ITPK1: variants seen among roughly 807,000 people sequenced by gnomAD.
The protein encoded by ITPK1 is inositol-tetrakisphosphate 1-kinase.
In ITPK1, 21 loss-of-function variants were observed where a neutral mutation model predicts 45.3. The observed-to-expected ratio is 0.46, with a 90% CI of 0.33 to 0.67. The LOEUF is 0.67. Among genes scored for constraint, ITPK1 ranks in the 30% least tolerant of loss-of-function variants. The pLI is 0.02. For missense variants in ITPK1, 474 were observed against 573.5 expected, an observed-to-expected ratio of 0.83 and a Z score of 1.77; for synonymous variants, 258 against 253.6, an observed-to-expected ratio of 1.02 and a Z score of -0.16.
Position 93,034,917 on chromosome 14 carries a change from G to T in ITPK1, c.121-18116C>A, listed in dbSNP as rs1029831736. On this transcript the variant is annotated intron_variant, in intron 3 of 10. Coordinates refer to ENST00000267615, the MANE Select transcript of ITPK1 (RefSeq NM_014216.6). The surrounding 1 kb of genome is among the most constrained non-coding windows in gnomAD (Gnocchi z 4.1). Reference sequence around the variant, plus strand: ...TCCCATCACCTATGGGGCCTGGCAGGCCTTCCCTTCTCCAGCCCCACCCCA... The same window carrying T: ...TCCCATCACCTATGGGGCCTGGCAGTCCTTCCCTTCTCCAGCCCCACCCCA... Among the ~76,000 whole-genome samples the T allele has an allele frequency of 3.3e-5, 5 of 152,230 alleles. No homozygotes were observed. Among genetic ancestry groups the T allele is most frequent in the African/African-American group, 4.8e-5 (2 of 41,462 alleles).
rs1277448653 is a variant in ITPK1, at chr14:93,076,465, G to A, written c.120+130C>T. On this transcript the variant is annotated intron_variant, in intron 3 of 10. Transcript: ENST00000267615. The surrounding 1 kb of genome is among the most constrained non-coding windows in gnomAD (Gnocchi z 4.3). ...GAAACCACATCAAATCCACAGGGGA[G>A]CTAAAAACAAGCTGCACGTGAAGAA... 2 of 1,048,490 alleles carry A rather than the reference G, an allele frequency of 1.9e-6. No homozygotes were observed. The highest frequency in any genetic ancestry group is 2.9e-6 in the Non-Finnish European group (2 of 694,178). The allele number at this position is 1,048,490 out of a possible 1,614,324, so 64.9% of individuals were successfully genotyped here.
chr14:93,068,277 G>C (rs1890841645), intron 3 of ITPK1: 2 of 152,230 alleles, frequency 1.3e-5, no homozygotes, highest in African/African-American at 4.8e-5. Context: ...GGGAAGTGAG[G>C]CACAGCCAAG....
chr14:93,106,379 G>C (rs1566789408), intron 2 of ITPK1, among the ~76,000 whole-genome samples: 1 of 152,190 alleles, frequency 6.6e-6, no homozygotes, highest in Non-Finnish European at 1.5e-5. Flanking sequence ...CCCTGTCTAA[G>C]GTGGAAACCG....
intron 3 of ITPK1, chr14:93,066,239 A>T (rs1351850845): frequency 2.2e-6 from 1 of 455,768 alleles, no homozygotes; most frequent in Non-Finnish European, 4.4e-6. Context: ...GAGACCAGCA[A>T]GTCCCAGCCT....
At chr14:93,091,930 G>A (rs537094112) in intron 2 of ITPK1, among the ~76,000 whole-genome samples, 1 of 152,310 alleles carries the variant, frequency 6.6e-6, no homozygotes, top group South Asian at 2.1e-4. Flanking sequence ...GACCTCAGCT[G>A]CTGCTCGGCC....
chr14:92,952,140 T>C, intron 8 of ITPK1, 127 bp from the exon 9 acceptor site: 1 of 739,812 alleles, frequency 1.4e-6, no homozygotes, highest in African/African-American at 1.7e-5. Context: ...TGCAGAGCCC[T>C]GGGCTCCAGC....
chr14:92,945,736 C>T (rs1887654266), intron 10 of ITPK1, among the ~76,000 whole-genome samples: 1 of 152,150 alleles, frequency 6.6e-6, no homozygotes, highest in African/African-American at 2.4e-5. Flanking sequence ...CCATAGGGCC[C>T]CTCACTGAGA....
At chr14:93,081,052 G>A (rs577890127) in intron 2 of ITPK1, among the ~76,000 whole-genome samples, 144 of 151,554 alleles carry the variant, frequency 9.5e-4, no homozygotes, top group African/African-American at 3.2e-3. Flanking sequence ...ACCTGCAGCC[G>A]GGCATGGTGG....
At position 93,016,894 on chromosome 14, in the gene ITPK1, G is replaced by T; in HGVS notation, c.121-93C>A. 6.5e-7 allele frequency: 1 copy of T among 1,536,770 alleles called. No homozygotes were observed. The highest frequency in any genetic ancestry group is 8.8e-7 in the Non-Finnish European group (1 of 1,135,174). On this transcript the variant is annotated intron_variant, in intron 3 of 10. Coordinates refer to ENST00000267615, the MANE Select transcript of ITPK1 (RefSeq NM_014216.6). The surrounding 1 kb of genome is among the most constrained non-coding windows in gnomAD (Gnocchi z 5.0). ...GTCCACCCTGGGGCATATCACCAGAGGACCCTCGAGCCTCCCTGTAGCACT... is the reference window on the plus strand; with the variant it reads ...GTCCACCCTGGGGCATATCACCAGATGACCCTCGAGCCTCCCTGTAGCACT...
chr14:93,003,696 C>G (rs953945526), intron 4 of ITPK1, among the ~76,000 whole-genome samples: 2 of 152,204 alleles, frequency 1.3e-5, no homozygotes, highest in Non-Finnish European at 2.9e-5. Context: ...ATGTAACAGT[C>G]CTGACAGTCA....
chr14:93,025,334 A>G (rs1341580694), intron 3 of ITPK1, among the ~76,000 whole-genome samples: 1 of 152,236 alleles, frequency 6.6e-6, no homozygotes, highest in Non-Finnish European at 1.5e-5. Flanking sequence ...TTTCTACTTT[A>G]GTTGTGGTGG....
intron 5 of ITPK1, among the ~76,000 whole-genome samples, chr14:92,974,520 G>A (rs371695557): frequency 9.8e-5 from 15 of 152,292 alleles, no homozygotes; most frequent in Admixed American, 4.6e-4. Flanking sequence ...CAAGGGCCTT[G>A]GGCAGGCCAG....
Position 93,028,704 on chromosome 14 carries a change from C to T in ITPK1, c.121-11903G>A. 1.3e-5 allele frequency among the ~76,000 whole-genome samples: 2 copies of T among 152,228 alleles called. 1 individual carries two copies. Among genetic ancestry groups the T allele is most frequent in the East Asian group, 3.8e-4 (2 of 5,198 alleles). On this transcript the variant is annotated intron_variant, in intron 3 of 10. Transcript: ENST00000267615. Reference sequence around the variant, plus strand: ...CCCCAAGCGGATGTCAGCTCTCAGACCCTCCGGAACCTCAGCAATCACAGT... The same window carrying T: ...CCCCAAGCGGATGTCAGCTCTCAGATCCTCCGGAACCTCAGCAATCACAGT...
chr14:92,959,528 C>T (rs960606560), intron 7 of ITPK1, among the ~76,000 whole-genome samples: 3 of 152,138 alleles, frequency 2.0e-5, no homozygotes, highest in African/African-American at 7.2e-5. Context: ...AGCCTTCTGA[C>T]AAGAATAAAG....
Position 92,962,174 on chromosome 14 carries a change from C to G in ITPK1, c.504+181G>C, listed in dbSNP as rs140279692. Among the ~76,000 whole-genome samples, 510 of 152,316 alleles carry G rather than the reference C, an allele frequency of 3.3e-3. 4 individuals are homozygous for G. Among genetic ancestry groups the G allele is most frequent in the African/African-American group, 0.011 (477 of 41,556 alleles). On this transcript the variant is annotated intron_variant, in intron 7 of 10. Transcript: ENST00000267615. ...TGAGGTTGCAGACAGTGCATGAAGC[C>G]ACAGCACTCCCGCTCGATTCCTCTG...
intron 9 of ITPK1, among the ~76,000 whole-genome samples, chr14:92,951,656 C>T (rs1271607338): frequency 2.6e-5 from 4 of 152,174 alleles, no homozygotes; most frequent in Admixed American, 1.3e-4. Flanking sequence ...AGGGTCAGCA[C>T]ACCTTCTGTG....
At chr14:93,045,630 G>A (rs111270442) in intron 3 of ITPK1, among the ~76,000 whole-genome samples, 90 of 152,270 alleles carry the variant, frequency 5.9e-4, no homozygotes, top group African/African-American at 2.0e-3. Context: ...AATAGCCACT[G>A]TACTCCAGCC....
In ITPK1 at chr14:92,958,817, C is replaced by A. The variant is rs1465838701; in HGVS notation, c.505-451G>T. Among the ~76,000 whole-genome samples the A allele has an allele frequency of 2.6e-5, 4 of 152,154 alleles. No homozygotes were observed. The Middle Eastern group carries it at 9.5e-3, about 361-fold the overall frequency. On this transcript the variant is annotated intron_variant, in intron 7 of 10. Coordinates refer to ENST00000267615, the MANE Select transcript of ITPK1 (RefSeq NM_014216.6). This position sits in a 1 kb window ranked among gnomAD's most constrained non-coding sequence, Gnocchi z 4.4. ...TGGGTCAAAGCCTGTCTGATGACAA[C>A]GGCTGCCTCTTGTCAAGCAGTTGTG... is the stretch of plus-strand genomic sequence containing the variant.
chr14:93,103,288 GCGT>G (rs1339697920), intron 2 of ITPK1, among the ~76,000 whole-genome samples: 21 of 151,304 alleles, frequency 1.4e-4, no homozygotes, highest in Admixed American at 1.3e-3. Context: ...GCGTGGTGGC[GCGT>G]GCTTGTAATC....
Sources: allele counts gnomAD v4.1 joint callset (sites outside exome capture counted in the v4.1 genomes callset), GRCh38; gene constraint gnomAD v4.1.1; non-coding constraint Gnocchi (gnomAD v3.1); transcripts MANE v1.5; gene names NCBI Gene and HGNC (gene_info 2026-07-23, HGNC 2026-07-21).